CHLSN: variants seen among roughly 807,000 people sequenced by gnomAD.
The protein encoded by CHLSN is cholesin.
chr7:1,005,801 C>A, the CHLSN span, among the ~76,000 whole-genome samples: 3 of 152,314 alleles, frequency 2.0e-5, 1 homozygote, highest in East Asian at 5.8e-4. Context: ...AGTGGGGGAC[C>A]CCGTCCCGGC....
the CHLSN span, among the ~76,000 whole-genome samples, chr7:1,071,137 G>C: frequency 6.6e-6 from 1 of 152,238 alleles, no homozygotes; most frequent in Non-Finnish European, 1.5e-5. Flanking sequence ...TCCACTCATA[G>C]AGGCCCCGCA....
At chr7:1,092,978 G>GC in the CHLSN span, 2 of 940,314 alleles carry the variant, frequency 2.1e-6, no homozygotes, top group Non-Finnish European at 3.4e-6. Context: ...CTGGCTCCTC[G>GC]GGGCCTCGCG....
chr7:1,127,062 T>C, the CHLSN span, among the ~76,000 whole-genome samples: 1 of 151,948 alleles, frequency 6.6e-6, no homozygotes. Flanking sequence ...AGTCATAGGG[T>C]TCCAACTCAA....
the CHLSN span, among the ~76,000 whole-genome samples, chr7:1,106,294 G>C: frequency 2.6e-5 from 4 of 152,206 alleles, no homozygotes; most frequent in Admixed American, 2.6e-4. Context: ...ACTCAAGGGT[G>C]TGTGTGTCTG....
At chr7:1,028,282 C>T in the CHLSN span, 1 of 1,070,510 alleles carries the variant, frequency 9.3e-7, no homozygotes, top group African/African-American at 1.7e-5. Flanking sequence ...TCAGGTCCCG[C>T]GGGCACGGAC....
At chr7:1,069,243 A>G in the CHLSN span, among the ~76,000 whole-genome samples, 52 of 152,292 alleles carry the variant, frequency 3.4e-4, no homozygotes, top group South Asian at 0.011. Context: ...AGGCAGGAGA[A>G]TCGCTTGAAC....
At chr7:1,053,519 A>G in the CHLSN span, among the ~76,000 whole-genome samples, 66 of 152,254 alleles carry the variant, frequency 4.3e-4, no homozygotes, top group African/African-American at 1.5e-3. Flanking sequence ...TGCCCCCTGC[A>G]GCTCCCAGCC....
the CHLSN span, chr7:1,023,020 C>T: frequency 2.2e-5 from 10 of 459,098 alleles, no homozygotes; most frequent in East Asian, 4.8e-4. The surrounding 1 kb of genome is among the most constrained non-coding windows in gnomAD (Gnocchi z 5.0). Context: ...GGAGAGCGGC[C>T]GCCCCGCCCC....
the CHLSN span, chr7:1,127,223 G>C: frequency 1.3e-6 from 2 of 1,564,376 alleles, no homozygotes; most frequent in South Asian, 2.4e-5. Context: ...GTGGATCCCA[G>C]AGGGCAGGGC....
the CHLSN span, chr7:1,074,572 GC>G: frequency 0.17 from 25,286 of 152,466 alleles, 2,197 homozygotes; most frequent in African/African-American, 0.19. Context: ...GCAGGGCGGG[GC>G]GGGGGGCAAG....
the CHLSN span, among the ~76,000 whole-genome samples, chr7:996,696 C>T: frequency 1.3e-5 from 2 of 152,380 alleles, no homozygotes; most frequent in African/African-American, 2.4e-5. Context: ...CCCGGTGCCC[C>T]GCGGCACCTC....
the CHLSN span, among the ~76,000 whole-genome samples, chr7:1,136,031 T>C: frequency 8.3e-6 from 1 of 120,036 alleles, no homozygotes; most frequent in African/African-American, 3.4e-5. Flanking sequence ...TATATAAATA[T>C]ATGTATAAAT....
chr7:1,090,571 G>A, the CHLSN span, among the ~76,000 whole-genome samples: 7 of 149,184 alleles, frequency 4.7e-5, no homozygotes, highest in Middle Eastern at 3.4e-3. Context: ...GGGGTGACAC[G>A]GGGCGGGTGA....
the CHLSN span, among the ~76,000 whole-genome samples, chr7:1,101,295 G>A: frequency 1.6e-3 from 237 of 152,358 alleles, no homozygotes; most frequent in African/African-American, 4.9e-3. Flanking sequence ...CAGAACAAAC[G>A]CCCTGGACGC....
the CHLSN span, among the ~76,000 whole-genome samples, chr7:1,111,935 C>A: frequency 2.2e-4 from 34 of 152,164 alleles, no homozygotes; most frequent in Non-Finnish European, 4.4e-4. Flanking sequence ...TTAACCACGG[C>A]GTCATTTCAC....
At chr7:993,416 G>A in the CHLSN span, among the ~76,000 whole-genome samples, 29 of 152,190 alleles carry the variant, frequency 1.9e-4, no homozygotes, top group Non-Finnish European at 7.3e-5. Context: ...GGCTGCCAGC[G>A]CTCCAGGGAG....
At chr7:1,054,594 C>T in the CHLSN span, among the ~76,000 whole-genome samples, 9 of 152,366 alleles carry the variant, frequency 5.9e-5, no homozygotes, top group African/African-American at 9.6e-5. Flanking sequence ...GCCCTGCAGA[C>T]GCTGGCTGCC....
chr7:1,080,563 G>A, the CHLSN span, among the ~76,000 whole-genome samples: 14 of 152,378 alleles, frequency 9.2e-5, no homozygotes, highest in African/African-American at 3.4e-4. Context: ...GGGCAGAGGA[G>A]TCTGGAACAG....
the CHLSN span, chr7:1,057,564 C>G: frequency 1.3e-6 from 1 of 773,368 alleles, no homozygotes. Context: ...GGAGGAGCTG[C>G]CTGCCTGCCA....
Sources: allele counts gnomAD v4.1 joint callset (sites outside exome capture counted in the v4.1 genomes callset), GRCh38; gene constraint gnomAD v4.1.1; non-coding constraint Gnocchi (gnomAD v3.1); transcripts MANE v1.5; gene names NCBI Gene and HGNC (gene_info 2026-07-23, HGNC 2026-07-21).